The following LATS2 variants were observed in gnomAD, a reference collection of about 807,000 sequenced individuals.
LATS2 encodes the protein serine/threonine-protein kinase LATS2.
Under a neutral mutation model 76.0 loss-of-function variants are expected in LATS2, and 24 were observed. The observed-to-expected ratio is 0.32, with a 90% CI of 0.23 to 0.44. The LOEUF (loss-of-function observed/expected upper bound fraction) is 0.44, where lower values mean the gene tolerates loss of function less well. LATS2 is among the 20% of genes least tolerant of loss of function. The probability of loss-of-function intolerance (pLI) is 1.00; values close to 1 mark genes in which losing one functional copy is unlikely to be tolerated. For missense variants in LATS2, 1,286 were observed against 1,481.2 expected (o/e 0.87, Z 2.16); for synonymous variants, 692 against 635.4 (o/e 1.09, Z -1.34).
intron 1 of LATS2, among the ~76,000 whole-genome samples, chr13:21,047,032 T>C (rs1202430112): frequency 6.6e-6 from 1 of 152,046 alleles, no homozygotes; most frequent in Non-Finnish European, 1.5e-5. Context: ...GAGTTATTAC[T>C]ACAGAACTAC....
Position 20,974,849 on chromosome 13 carries a change from G to T in LATS2, c.*21C>A. The T allele has an allele frequency of 1.9e-6, 3 of 1,585,488 alleles. No individual in the cohort carries two copies. The highest frequency in any genetic ancestry group is 2.2e-5 in the East Asian group (1 of 44,602). ...ACCCTGACCTGGGAGGCAGCGAGTG[G>T]TGGGGGTGCCTGGCCCCCATCTACA... On this transcript the variant is annotated 3_prime_UTR_variant, in exon 8 of 8. Transcript: ENST00000382592.
chr13:21,027,454 A>G (rs1872350052), intron 2 of LATS2, among the ~76,000 whole-genome samples: 1 of 152,234 alleles, frequency 6.6e-6, no homozygotes, highest in African/African-American at 2.4e-5. Flanking sequence ...CCATTTGCTG[A>G]AAAAACAAAC....
chr13:21,059,118 C>G (rs1185566869), intron 1 of LATS2, among the ~76,000 whole-genome samples: 1 of 152,166 alleles, frequency 6.6e-6, no homozygotes, highest in Non-Finnish European at 1.5e-5. Flanking sequence ...TGTGATTTCC[C>G]ATTCAAATTT....
At chr13:20,997,714 C>T (rs868381476) in intron 2 of LATS2, among the ~76,000 whole-genome samples, 11 of 152,218 alleles carry the variant, frequency 7.2e-5, no homozygotes, top group East Asian at 1.9e-4. Context: ...ACAGGGCTTA[C>T]GAGGACGGGT....
chr13:20,990,909 A>G (rs1437991879), intron 3 of LATS2, among the ~76,000 whole-genome samples: 4 of 152,240 alleles, frequency 2.6e-5, no homozygotes, highest in Admixed American at 2.6e-4. Context: ...CTTGTCAAAG[A>G]TCCCTCCACA....
chr13:21,020,252 C>T (rs549265263), intron 2 of LATS2, among the ~76,000 whole-genome samples: 1 of 152,332 alleles, frequency 6.6e-6, no homozygotes, highest in East Asian at 1.9e-4. Flanking sequence ...TAGCTCTCCA[C>T]TACATCAGCC....
intron 2 of LATS2, among the ~76,000 whole-genome samples, chr13:20,993,269 A>C (rs1870590214): frequency 6.6e-6 from 1 of 152,134 alleles, no homozygotes; most frequent in Admixed American, 6.5e-5. Flanking sequence ...GGACAAGAAG[A>C]ACCTGGCAGG....
At chr13:20,975,418 CT>C in intron 7 of LATS2, 54 bp from the exon 8 acceptor site, 7 of 1,503,038 alleles carry the variant, frequency 4.7e-6, no homozygotes, top group Non-Finnish European at 6.2e-6. Context: ...TTGGGCAGTT[CT>C]GGGACAGCGT....
Position 20,989,144 on chromosome 13 carries a change from C to T in LATS2, c.636G>A (p.Val212=). The T allele has an allele frequency of 1.2e-6, 2 of 1,611,598 alleles. No homozygotes were observed. The highest frequency in any genetic ancestry group is 8.5e-7 in the Non-Finnish European group (1 of 1,179,448). ...TALEEMPRPY[V]DYLFPGVGPH... ...GGCCGACTCCGGGGAAAAGGTAGTC[C>T]ACGTACGGCCGCGGCATCTCCTCCA... The change falls in exon 4 of 8, where the codon GTG becomes GTA. Residue 212 remains valine, a synonymous_variant. Transcript: ENST00000382592.
intron 1 of LATS2, among the ~76,000 whole-genome samples, chr13:21,050,119 C>CATAGATAG (rs576222992): frequency 9.4e-3 from 253 of 26,826 alleles, no homozygotes; most frequent in African/African-American, 0.017. Flanking sequence ...GACTCTGTCT[C>CATAGATAG]ATAGACAGAT....
At chr13:21,057,233 A>G (rs1873476687) in intron 1 of LATS2, among the ~76,000 whole-genome samples, 1 of 152,252 alleles carries the variant, frequency 6.6e-6, no homozygotes, top group Admixed American at 6.5e-5. Context: ...ATCAGTGTTA[A>G]CAAGAAATAC....
intron 2 of LATS2, among the ~76,000 whole-genome samples, chr13:21,012,668 G>A (rs192323123): frequency 7.9e-5 from 12 of 152,144 alleles, no homozygotes; most frequent in Non-Finnish European, 1.2e-4. Context: ...AACAAGTATG[G>A]TATAAGCGCT....
At chr13:20,986,010 C>T (rs778187529) in intron 4 of LATS2, among the ~76,000 whole-genome samples, 4 of 152,156 alleles carry the variant, frequency 2.6e-5, no homozygotes, top group Non-Finnish European at 5.9e-5. Context: ...TGCCATTGCA[C>T]TCCAGCCTGG....
chr13:21,010,365 C>T (rs1871543426), intron 2 of LATS2, among the ~76,000 whole-genome samples: 1 of 152,112 alleles, frequency 6.6e-6, no homozygotes, highest in Non-Finnish European at 1.5e-5. Context: ...CGAAAGGCCC[C>T]AGGGACAAAC....
Position 20,984,266 on chromosome 13 carries a change from G to A in LATS2, c.1900-460C>T, listed in dbSNP as rs184104237. Among the ~76,000 whole-genome samples the A allele has an allele frequency of 1.3e-3, 192 of 152,246 alleles. 1 individual carries two copies. In the Middle Eastern group the frequency reaches 0.024, roughly 19 times the overall value. ...TTTTTTTATATCCATATATAGACAT[G>A]AATATGGAATGAAAAGTTAAGATAA... is the stretch of plus-strand genomic sequence containing the variant. On this transcript the variant is annotated intron_variant, in intron 4 of 7. Coordinates refer to ENST00000382592, the MANE Select transcript of LATS2 (RefSeq NM_014572.3).
In LATS2 at chr13:20,978,628, C is replaced by T. The variant is rs147300161; in HGVS notation, c.2772+1063G>A. On this transcript the variant is annotated intron_variant, in intron 7 of 7. Coordinates refer to ENST00000382592, the MANE Select transcript of LATS2 (RefSeq NM_014572.3). ...GGTCACTTACACTAGCATTTTCTTC[C>T]ACCTTTGCCATCCCTGAGACAGCAA... Among the ~76,000 whole-genome samples the T allele has an allele frequency of 1.9e-4, 29 of 152,286 alleles. 1 individual carries two copies. The South Asian group carries it at 3.7e-3, about 20-fold the overall frequency.
chr13:20,981,193 C>G (rs1352586737), intron 6 of LATS2, among the ~76,000 whole-genome samples: 2 of 152,142 alleles, frequency 1.3e-5, no homozygotes, highest in Non-Finnish European at 2.9e-5. Flanking sequence ...CTGTGAAAAT[C>G]AGGGCTGGAG....
chr13:21,020,601 C>A (rs1171028982), intron 2 of LATS2, among the ~76,000 whole-genome samples: 1 of 152,218 alleles, frequency 6.6e-6, no homozygotes, highest in African/African-American at 2.4e-5. Flanking sequence ...CTGCTTAAAA[C>A]ACAGGACTTC....
intron 2 of LATS2, among the ~76,000 whole-genome samples, chr13:21,028,004 T>C (rs906988627): frequency 6.6e-6 from 1 of 152,142 alleles, no homozygotes; most frequent in African/African-American, 2.4e-5. Context: ...TATGTATACA[T>C]GTGCCATGCT....
Sources: allele counts gnomAD v4.1 joint callset (sites outside exome capture counted in the v4.1 genomes callset), GRCh38; gene constraint gnomAD v4.1.1; transcripts MANE v1.5; gene names NCBI Gene and HGNC (gene_info 2026-07-23, HGNC 2026-07-21).